The following PCDHA5 variants were observed in gnomAD, a reference collection of about 807,000 sequenced individuals.
PCDHA5 encodes protocadherin alpha 5.
A neutral mutation model predicts 61.6 loss-of-function variants in PCDHA5; 43 were observed. The ratio of observed to expected loss-of-function variants is 0.70; its 90% CI spans 0.55 to 0.90. The LOEUF (loss-of-function observed/expected upper bound fraction) is 0.90. Ranked by LOEUF, PCDHA5 falls within the 40% of genes least tolerant of loss-of-function variation. The pLI, the probability that PCDHA5 is intolerant of heterozygous loss-of-function variation, is 0.00. For synonymous variants in PCDHA5, 627 were observed against 543.9 expected, an observed-to-expected ratio of 1.15 and a Z score of -2.13; for missense variants, 1,298 against 1,222.7, an observed-to-expected ratio of 1.06 and a Z score of -0.92.
rs183542590 is a variant in PCDHA5 at position 140,969,555 on chromosome 5, C to T, written c.2353-9394C>T. On this transcript the variant is annotated intron_variant, in intron 1 of 3. Coordinates refer to ENST00000529859, the MANE Select transcript of PCDHA5 (RefSeq NM_018908.3). ...CATTTTCAGAGGCATGAAGCCTTGT[C>T]CATAAAATTGTTTGAGAAGTGAGGA... The T allele has an allele frequency of 1.2e-5, 15 of 1,213,382 alleles. 1 individual carries two copies. The highest frequency in any genetic ancestry group is 1.7e-5 in the South Asian group (1 of 59,354). The allele number at this position is 1,213,382 out of a possible 1,614,324, so 75.2% of individuals were successfully genotyped here. A position where few individuals can be genotyped will look rare whatever the true frequency, so the allele number is the denominator to read the frequency against.
At chr5:140,871,043 T>A (rs763700203) in intron 1 of PCDHA5, 1 of 1,613,370 alleles carries the variant, frequency 6.2e-7, no homozygotes, top group Non-Finnish European at 8.5e-7. Context: ...CACCGACTTC[T>A]AGTACTGGTG....
chr5:140,826,765 G>C (rs186327192), intron 1 of PCDHA5, among the ~76,000 whole-genome samples: 115 of 152,292 alleles, frequency 7.6e-4, no homozygotes, highest in Middle Eastern at 3.4e-3. Context: ...TCATATTGGA[G>C]AGTAATTGAA....
chr5:140,842,051 C>T (rs2150328197), intron 1 of PCDHA5: 3 of 1,613,736 alleles, frequency 1.9e-6, no homozygotes, highest in Non-Finnish European at 2.5e-6. Flanking sequence ...CACTTTCGAA[C>T]AGTCTGAATA....
At chr5:140,926,529 A>T in intron 1 of PCDHA5, 1 of 209,686 alleles carries the variant, frequency 4.8e-6, no homozygotes, top group Admixed American at 5.9e-5. Context: ...CTGCGCCCGC[A>T]GCCAGCGTGG....
intron 1 of PCDHA5, among the ~76,000 whole-genome samples, chr5:140,838,927 A>G (rs2150156100): frequency 6.6e-6 from 1 of 152,088 alleles, no homozygotes; most frequent in African/African-American, 2.4e-5. Context: ...AAATAAAATA[A>G]AATGAAATAA....
chr5:140,965,877 G>C (rs1355769719), intron 1 of PCDHA5, among the ~76,000 whole-genome samples: 3 of 152,210 alleles, frequency 2.0e-5, no homozygotes, highest in Non-Finnish European at 4.4e-5. Context: ...CCACTTGGCC[G>C]AGAGCAGAAT....
Position 140,822,873 on chromosome 5 carries a change from G to A in PCDHA5, c.1098G>A (p.Thr366=). The A allele has an allele frequency of 2.5e-6, 4 of 1,614,214 alleles. No individual in the cohort carries two copies. Among genetic ancestry groups the A allele is most frequent in the Non-Finnish European group, 3.4e-6 (4 of 1,180,046 alleles). ...LPVKEDAPLS[T]VIALISVSDR... is the part of the protein sequence containing the mutation. ...TCAAAGAGGACGCTCCACTCAGCAC[G>A]GTCATTGCTCTGATCAGCGTGTCTG... The change falls in exon 1 of 4, where the codon ACG becomes ACA. Residue 366 remains threonine, a synonymous_variant. Transcript: ENST00000529859.
chr5:140,857,309 G>C lies in PCDHA5; in HGVS notation c.2352+33182G>C, dbSNP rs1287991839. ...GGACCGCGAGAGGGTGTCGGCCTAT[G>C]AGCTGGTGGTGACCGCGCGGGACGG... On this transcript the variant is annotated intron_variant, in intron 1 of 3. Transcript: ENST00000529859. The C allele has an allele frequency of 3.8e-6, 6 of 1,598,670 alleles. 1 individual carries two copies. In the Admixed American group the frequency reaches 1.0e-4, roughly 27 times the overall value.
intron 1 of PCDHA5, chr5:140,863,342 T>G: frequency 7.5e-7 from 1 of 1,338,916 alleles, no homozygotes; most frequent in Non-Finnish European, 1.0e-6. Flanking sequence ...ACGTTGCTGC[T>G]GTACACGACG....
Position 140,884,639 on chromosome 5 carries a change from G to A in PCDHA5, c.2352+60512G>A, listed in dbSNP as rs781835096. ...TGCAGAGGGAACAGGCCAGAGGGAG[G>A]AGGACTCAGAATGCTTGAAAGAGGT... On this transcript the variant is annotated intron_variant, in intron 1 of 3. Coordinates refer to ENST00000529859, the MANE Select transcript of PCDHA5 (RefSeq NM_018908.3). 55 of 1,610,606 alleles carry A rather than the reference G, an allele frequency of 3.4e-5. No homozygotes were observed. The South Asian group carries it at 5.6e-4, about 16-fold the overall frequency.
intron 1 of PCDHA5, chr5:140,856,762 C>T: frequency 6.3e-7 from 1 of 1,596,712 alleles, no homozygotes; most frequent in Non-Finnish European, 8.6e-7. Context: ...ATGATAACGC[C>T]CCTATCTTTG....
intron 1 of PCDHA5, among the ~76,000 whole-genome samples, chr5:140,948,147 A>T (rs2094217534): frequency 6.6e-6 from 1 of 151,572 alleles, no homozygotes; most frequent in African/African-American, 2.4e-5. Context: ...TGATTTTTGA[A>T]TGTTGGAAAA....
rs530563833 is a variant in PCDHA5, at chr5:140,894,957, T to A, written c.2352+70830T>A. Among the ~76,000 whole-genome samples, 18 of 152,324 alleles carry A rather than the reference T, an allele frequency of 1.2e-4. No individual in the cohort carries two copies. In the East Asian group the frequency reaches 3.3e-3, roughly 28 times the overall value. Reference sequence around the variant, plus strand: ...AGCTATTGTCATGAAATGATAAAAATATAATTTTTTAATGTCTTACTTTGT... The same window carrying A: ...AGCTATTGTCATGAAATGATAAAAAAATAATTTTTTAATGTCTTACTTTGT... On this transcript the variant is annotated intron_variant, in intron 1 of 3. Transcript: ENST00000529859.
intron 1 of PCDHA5, chr5:140,875,337 A>C (rs2055422229): frequency 1.6e-5 from 23 of 1,440,366 alleles, no homozygotes; most frequent in Non-Finnish European, 1.7e-5. Context: ...AATAGGATCG[A>C]CTCCATAATG....
chr5:140,848,439 G>A (rs2150410405), intron 1 of PCDHA5: 1 of 1,486,148 alleles, frequency 6.7e-7, no homozygotes, highest in African/African-American at 1.4e-5. Flanking sequence ...GAAATCAGAT[G>A]ATTTCTTCTA....
Position 140,870,071 on chromosome 5 carries a change from A to G in PCDHA5, c.2352+45944A>G, listed in dbSNP as rs782336770. Reference sequence around the variant, plus strand: ...TATAAAATTGAAGTACAGGCTACAGATAAGGGGACTCCCCCAATGGCAGGT... The same window carrying G: ...TATAAAATTGAAGTACAGGCTACAGGTAAGGGGACTCCCCCAATGGCAGGT... On this transcript the variant is annotated intron_variant, in intron 1 of 3. Coordinates refer to ENST00000529859, the MANE Select transcript of PCDHA5 (RefSeq NM_018908.3). 13 of 1,613,778 alleles carry G rather than the reference A, an allele frequency of 8.1e-6. No homozygotes were observed. The highest frequency in any genetic ancestry group is 1.3e-5 in the African/African-American group (1 of 74,950).
intron 3 of PCDHA5, among the ~76,000 whole-genome samples, chr5:140,995,811 G>A (rs949931541): frequency 6.6e-6 from 1 of 152,240 alleles, no homozygotes; most frequent in South Asian, 2.1e-4. Context: ...GTTTCTGAAG[G>A]GAGATAGCCT....
rs2150128847 is a variant in PCDHA5, at chr5:140,823,749, G to GACAGCC, written c.1985_1990dup (p.Ala662_Thr663dup). 2 of 1,613,866 alleles carry GACAGCC rather than the reference G, an allele frequency of 1.2e-6. No homozygotes were observed. The highest frequency in any genetic ancestry group is 2.2e-5 in the East Asian group (1 of 44,874). On this transcript the variant is annotated inframe_insertion, in exon 1 of 4. Coordinates refer to ENST00000529859, the MANE Select transcript of PCDHA5 (RefSeq NM_018908.3). ...TGAAGGACCATGGAGAGCCCCCGCT[G>GACAGCC]ACAGCCACAGCCACAGTGCTGGTGT...
rs2150126761 is a variant in PCDHA5, at chr5:140,823,536, C to A, written c.1761C>A (p.Gly587=). The change falls in exon 1 of 4, where the codon GGC becomes GGA. Residue 587 remains glycine, a synonymous_variant. Transcript: ENST00000529859. The stretch of plus-strand genomic sequence containing the variant: ...TGGTGCCGAGGTCAGTGGGTGCGGG[C>A]CACGTGGTGGCGAAGGTGCGCGCAG... ...SELVPRSVGA[G]HVVAKVRAVD... is the part of the protein sequence containing the mutation. 1 of 1,613,790 alleles carries A rather than the reference C, an allele frequency of 6.2e-7. No homozygotes were observed. Among genetic ancestry groups the A allele is most frequent in the South Asian group, 1.1e-5 (1 of 91,062 alleles).
Sources: allele counts gnomAD v4.1 joint callset (sites outside exome capture counted in the v4.1 genomes callset), GRCh38; gene constraint gnomAD v4.1.1; transcripts MANE v1.5; gene names NCBI Gene and HGNC (gene_info 2026-07-23, HGNC 2026-07-21).